The following FAM163B variants were observed in gnomAD, a reference collection of about 807,000 sequenced individuals.
The protein encoded by FAM163B is family with sequence similarity 163 member B.
In FAM163B, 4 loss-of-function variants were observed where a neutral mutation model predicts 7.6. That is an observed-to-expected ratio of 0.52 (90% confidence interval 0.26 to 1.20). FAM163B has a LOEUF of 1.20. Among genes scored for constraint, FAM163B ranks in the 50% most tolerant of loss-of-function variants. FAM163B has a pLI of 0.14. For missense variants in FAM163B, 250 were observed against 243.0 expected (o/e 1.03, Z -0.19); for synonymous variants, 120 against 111.6 (o/e 1.07, Z -0.47).
At chr9:133,589,218 C>T (rs564600082) in intron 1 of FAM163B, among the ~76,000 whole-genome samples, 7 of 152,318 alleles carry the variant, frequency 4.6e-5, no homozygotes, top group Non-Finnish European at 7.4e-5. Flanking sequence ...CCCTGCATGG[C>T]TCCCTATACC....
At chr9:133,608,535 C>T (rs1422366676) in intron 1 of FAM163B, among the ~76,000 whole-genome samples, 1 of 152,198 alleles carries the variant, frequency 6.6e-6, no homozygotes, top group African/African-American at 2.4e-5. Context: ...TTGAGGCCAT[C>T]TCCACCACTT....
chr9:133,603,647 G>T (rs146630608), intron 1 of FAM163B, among the ~76,000 whole-genome samples: 56 of 152,246 alleles, frequency 3.7e-4, no homozygotes, highest in African/African-American at 1.3e-3. Flanking sequence ...ATAGGAGCCC[G>T]CATGTCTGTG....
chr9:133,602,353 G>A (rs566495700), intron 1 of FAM163B, among the ~76,000 whole-genome samples: 2 of 152,296 alleles, frequency 1.3e-5, no homozygotes, highest in Admixed American at 6.5e-5. Flanking sequence ...GTTCGAATCC[G>A]GGTGGGATTG....
intron 1 of FAM163B, among the ~76,000 whole-genome samples, chr9:133,603,537 C>T (rs975822001): frequency 2.6e-5 from 4 of 152,218 alleles, no homozygotes; most frequent in African/African-American, 7.2e-5. Flanking sequence ...CTGTTCTCTC[C>T]CACCCGCAAA....
intron 1 of FAM163B, among the ~76,000 whole-genome samples, chr9:133,607,278 G>A (rs1831801923): frequency 6.6e-6 from 1 of 152,182 alleles, no homozygotes; most frequent in Admixed American, 6.5e-5. Flanking sequence ...CCAAAAAGGT[G>A]GACAGAACTC....
intron 1 of FAM163B, among the ~76,000 whole-genome samples, chr9:133,595,378 T>G (rs1351506718): frequency 2.0e-5 from 3 of 152,186 alleles, no homozygotes; most frequent in Non-Finnish European, 4.4e-5. Flanking sequence ...ACTCTTGACC[T>G]CAAGTGATGA....
At chr9:133,598,124 C>T (rs552235003) in intron 1 of FAM163B, among the ~76,000 whole-genome samples, 1 of 152,308 alleles carries the variant, frequency 6.6e-6, no homozygotes, top group Non-Finnish European at 1.5e-5. Context: ...TCTCACAAAA[C>T]CCAGCTTCGA....
intron 1 of FAM163B, among the ~76,000 whole-genome samples, chr9:133,588,729 T>C (rs922466590): frequency 1.9e-5 from 1 of 53,344 alleles, no homozygotes; most frequent in African/African-American, 7.0e-5. Context: ...GACCCACTCA[T>C]TGTGCAGTTG....
intron 1 of FAM163B, among the ~76,000 whole-genome samples, chr9:133,598,001 A>G (rs1297687259): frequency 6.6e-6 from 1 of 152,000 alleles, no homozygotes; most frequent in Non-Finnish European, 1.5e-5. Flanking sequence ...TCAGACACAC[A>G]GGTCTGGACC....
At chr9:133,605,933 A>C (rs975105662) in intron 1 of FAM163B, among the ~76,000 whole-genome samples, 1 of 152,038 alleles carries the variant, frequency 6.6e-6, no homozygotes, top group Non-Finnish European at 1.5e-5. Context: ...CCCCTCTCCA[A>C]GTCATTCCCC....
rs1410028057 is a variant in FAM163B, at chr9:133,578,147, G to A, written c.*875C>T. ...GCCAGCCAAGTCTCACGGGGAACTC[G>A]GGGGTTTTCAACCCCTGGGCCATGG... On this transcript the variant is annotated 3_prime_UTR_variant, in exon 3 of 3. Coordinates refer to ENST00000673969, the MANE Select transcript of FAM163B (RefSeq NM_001080515.3). Among the ~76,000 whole-genome samples, 1 of 147,946 alleles carries A rather than the reference G, an allele frequency of 6.8e-6. No homozygotes were observed. The highest frequency in any genetic ancestry group is 2.0e-4 in the East Asian group (1 of 5,024).
chr9:133,597,225 G>A lies in FAM163B; in HGVS notation c.-24+11852C>T, dbSNP rs566670708. ...AAGGGTATTAAAATAGTTATTAACT[G>A]TAGCTTATATGTTCAAAACACCAGA... On this transcript the variant is annotated intron_variant, in intron 1 of 2. Coordinates refer to ENST00000673969, the MANE Select transcript of FAM163B (RefSeq NM_001080515.3). 5.3e-5 allele frequency among the ~76,000 whole-genome samples: 8 copies of A among 152,338 alleles called. 1 individual carries two copies. The highest frequency in any genetic ancestry group is 1.3e-4 in the Admixed American group (2 of 15,306).
chr9:133,591,370 C>T (rs1831549605), intron 1 of FAM163B, among the ~76,000 whole-genome samples: 1 of 152,206 alleles, frequency 6.6e-6, no homozygotes, highest in Non-Finnish European at 1.5e-5. Context: ...CCTGGGTGTC[C>T]TGTGGGGGTG....
Position 133,579,431 on chromosome 9 carries a change from T to TG in FAM163B, c.94-3dup, listed in dbSNP as rs1312408046. On this transcript the variant is annotated splice_polypyrimidine_tract_variant and splice_region_variant and intron_variant, in intron 2 of 2. Coordinates refer to ENST00000673969, the MANE Select transcript of FAM163B (RefSeq NM_001080515.3). ...CTCGTCCTTCTTGCAGCAGTAGTACTGCGGGCAGAGGGACGGTGACCATGC... is the reference window on the plus strand; with the variant it reads ...CTCGTCCTTCTTGCAGCAGTAGTACTGGCGGGCAGAGGGACGGTGACCATGC... 1.9e-6 allele frequency: 3 copies of TG among 1,591,316 alleles called. No homozygotes were observed. The Admixed American group carries it at 5.2e-5, about 28-fold the overall frequency.
chr9:133,595,734 T>A (rs1288684744), intron 1 of FAM163B, among the ~76,000 whole-genome samples: 1 of 152,144 alleles, frequency 6.6e-6, no homozygotes, highest in African/African-American at 2.4e-5. Context: ...ATCAAAAATA[T>A]CCCCTGCTCC....
At chr9:133,586,384 C>T (rs1236878732) in intron 1 of FAM163B, among the ~76,000 whole-genome samples, 9 of 152,202 alleles carry the variant, frequency 5.9e-5, no homozygotes, top group Non-Finnish European at 1.3e-4. Context: ...CTGGTGCTGC[C>T]GGGCTTGGCA....
chr9:133,589,681 G>A (rs188826472), intron 1 of FAM163B, among the ~76,000 whole-genome samples: 3 of 152,078 alleles, frequency 2.0e-5, no homozygotes, highest in African/African-American at 7.2e-5. Context: ...TGGGGGCCGC[G>A]GCCCACACTT....
Position 133,601,777 on chromosome 9 carries a change from C to G in FAM163B, c.-24+7300G>C, listed in dbSNP as rs1479893082. 6.6e-6 allele frequency among the ~76,000 whole-genome samples: 1 copy of G among 152,292 alleles called. No individual in the cohort carries two copies. Among genetic ancestry groups the G allele is most frequent in the East Asian group, 1.9e-4 (1 of 5,178 alleles). On this transcript the variant is annotated intron_variant, in intron 1 of 2. Coordinates refer to ENST00000673969, the MANE Select transcript of FAM163B (RefSeq NM_001080515.3). This position sits in a 1 kb window ranked among gnomAD's most constrained non-coding sequence, Gnocchi z 4.1. ...AGCCACAGCCACACAAAACCACCAG[C>G]CATCTGACCACCATGGCGTCAGGGC...
intron 2 of FAM163B, 67 bp from the exon 3 acceptor site, chr9:133,579,496 G>C (rs1588320172): frequency 1.3e-6 from 2 of 1,489,864 alleles, no homozygotes; most frequent in East Asian, 4.9e-5. Flanking sequence ...TGTGGGAAAG[G>C]CTACCCCTGA....
Sources: allele counts gnomAD v4.1 joint callset (sites outside exome capture counted in the v4.1 genomes callset), GRCh38; gene constraint gnomAD v4.1.1; non-coding constraint Gnocchi (gnomAD v3.1); transcripts MANE v1.5; gene names NCBI Gene and HGNC (gene_info 2026-07-23, HGNC 2026-07-21).